USH2A: variants seen among roughly 807,000 people sequenced by gnomAD.
USH2A encodes the protein usherin.
A neutral mutation model predicts 538.9 loss-of-function variants in USH2A; 443 were observed. The observed-to-expected ratio is 0.82, with a 90% CI of 0.76 to 0.89. The LOEUF is 0.89. Ranked by LOEUF, USH2A falls within the 40% of genes least tolerant of loss-of-function variation. The pLI is 0.00. For synonymous variants in USH2A, 2,413 were observed against 2,273.5 expected, an observed-to-expected ratio of 1.06 and a Z score of -1.75; for missense variants, 6,633 against 6,324.8, an observed-to-expected ratio of 1.05 and a Z score of -1.65.
chr1:215,894,412 G>A (rs958816644), intron 40 of USH2A, among the ~76,000 whole-genome samples: 4 of 152,000 alleles, frequency 2.6e-5, no homozygotes, highest in Non-Finnish European at 5.9e-5. Flanking sequence ...TAAATGATTC[G>A]GAAGTCCTAC....
intron 9 of USH2A, among the ~76,000 whole-genome samples, chr1:216,306,398 A>AT (rs888229529): frequency 2.6e-5 from 4 of 151,714 alleles, no homozygotes; most frequent in Admixed American, 6.6e-5. Flanking sequence ...TTATCTGGAG[A>AT]TTTTTCTGTT....
chr1:216,260,022 T>C (rs1200501367), intron 11 of USH2A, among the ~76,000 whole-genome samples: 1 of 152,116 alleles, frequency 6.6e-6, no homozygotes, highest in Non-Finnish European at 1.5e-5. Flanking sequence ...AGGATCGATT[T>C]AAAAAAGAGT....
intron 30 of USH2A, among the ~76,000 whole-genome samples, chr1:216,065,627 T>G (rs150535150): frequency 7.6e-4 from 116 of 152,380 alleles, no homozygotes; most frequent in African/African-American, 2.6e-3. Context: ...CTGGGTGCAG[T>G]GGCTCATGCC....
intron 3 of USH2A, among the ~76,000 whole-genome samples, chr1:216,397,757 T>C (rs1433508264): frequency 1.3e-5 from 2 of 152,214 alleles, no homozygotes; most frequent in Non-Finnish European, 2.9e-5. Flanking sequence ...CTTCCCTGGT[T>C]TTGAAGCTTT....
intron 61 of USH2A, among the ~76,000 whole-genome samples, chr1:215,700,845 G>T (rs1658989652): frequency 6.6e-6 from 1 of 151,942 alleles, no homozygotes; most frequent in South Asian, 2.1e-4. Flanking sequence ...CTTGTCTTCT[G>T]GTAGCTTTTG....
chr1:216,260,767 C>A (rs2036355139), intron 11 of USH2A, among the ~76,000 whole-genome samples: 1 of 152,094 alleles, frequency 6.6e-6, no homozygotes, highest in African/African-American at 2.4e-5. Flanking sequence ...GGAACATCAA[C>A]AACTTGTTAT....
At chr1:215,892,521 A>G (rs569202214) in intron 40 of USH2A, among the ~76,000 whole-genome samples, 1 of 152,302 alleles carries the variant, frequency 6.6e-6, no homozygotes, top group East Asian at 1.9e-4. Flanking sequence ...TGATATGTTA[A>G]CAGAATAATG....
chr1:216,000,471 T>C lies in USH2A; in HGVS notation c.6417A>G (p.Ala2139=). ...TNSSWVLLYT[A]QLPPEHVDSP... ...AATCCACGTGTTCTGGTGGCAGCTG[T>C]GCTGTGTACAGTAGGACCCAGGAAC... Residue 2139 remains alanine (A), a synonymous_variant, in exon 33 of 72, where the codon GCA becomes GCG. Coordinates refer to ENST00000307340, the MANE Select transcript of USH2A (RefSeq NM_206933.4). The C allele has an allele frequency of 6.2e-7, 1 of 1,613,720 alleles. No individual in the cohort carries two copies. Among genetic ancestry groups the C allele is most frequent in the Non-Finnish European group, 8.5e-7 (1 of 1,179,734 alleles).
intron 19 of USH2A, among the ~76,000 whole-genome samples, chr1:216,191,315 G>A (rs569134379): frequency 1.3e-5 from 2 of 152,064 alleles, no homozygotes; most frequent in South Asian, 2.1e-4. Context: ...AACATTTGGA[G>A]TAGTTTTCTA....
intron 6 of USH2A, 115 bp from the exon 7 acceptor site, chr1:216,324,467 T>C: frequency 4.0e-6 from 4 of 996,318 alleles, no homozygotes; most frequent in Non-Finnish European, 5.9e-6. Flanking sequence ...ATAATTATAG[T>C]TATCAAATAT....
intron 20 of USH2A, among the ~76,000 whole-genome samples, chr1:216,183,946 T>C (rs972451534): frequency 2.0e-5 from 3 of 151,966 alleles, no homozygotes; most frequent in Non-Finnish European, 4.4e-5. Flanking sequence ...CCATGGAAAT[T>C]TGACATGTTG....
At chr1:216,189,278 A>AG (rs2034669282) in intron 20 of USH2A, among the ~76,000 whole-genome samples, 1 of 151,914 alleles carries the variant, frequency 6.6e-6, no homozygotes, top group Non-Finnish European at 1.5e-5. Context: ...CAGAAAAAAA[A>AG]CCCTACATAA....
intron 58 of USH2A, among the ~76,000 whole-genome samples, chr1:215,743,929 A>G (rs1660391820): frequency 6.6e-6 from 1 of 152,226 alleles, no homozygotes; most frequent in African/African-American, 2.4e-5. Context: ...TTCCAAAAGT[A>G]AGAAATGTAC....
At chr1:215,851,847 A>T (rs548275068) in intron 44 of USH2A, among the ~76,000 whole-genome samples, 45 of 152,216 alleles carry the variant, frequency 3.0e-4, no homozygotes, top group Admixed American at 2.9e-3. Flanking sequence ...ACCATGATCA[A>T]GTAGGTTTCA....
intron 58 of USH2A, among the ~76,000 whole-genome samples, chr1:215,754,914 C>G (rs189804846): frequency 6.6e-6 from 1 of 152,256 alleles, no homozygotes; most frequent in East Asian, 1.9e-4. Context: ...GTAAAGCTTT[C>G]TAGTTACTAG....
intron 13 of USH2A, among the ~76,000 whole-genome samples, chr1:216,243,557 A>G (rs1024194822): frequency 2.0e-5 from 3 of 152,144 alleles, no homozygotes; most frequent in Non-Finnish European, 4.4e-5. Context: ...AGCAGCTCTG[A>G]TCAATAGGAT....
chr1:216,089,037 T>C lies in USH2A; in HGVS notation c.4861A>G (p.Ile1621Val), dbSNP rs2032219588. Residue 1621 changes from isoleucine (I) to valine (V), a missense_variant, in exon 23 of 72, where the codon ATC becomes GTC. Ile to Val is a conservative substitution (Grantham distance 29, BLOSUM62 3). Coordinates refer to ENST00000307340, the MANE Select transcript of USH2A (RefSeq NM_206933.4). ...CCTGTATATATCCCATCCAGAGTGA[T>C]TTGGCCAAAAGCCTGATGCCTAATA... ...IAIRHQAFGQITLDGIYTGSS... is the reference protein window; with the variant it reads ...IAIRHQAFGQVTLDGIYTGSS... 6.2e-7 allele frequency: 1 copy of C among 1,613,526 alleles called. No individual in the cohort carries two copies. The highest frequency in any genetic ancestry group is 8.5e-7 in the Non-Finnish European group (1 of 1,179,606).
chr1:216,116,755 T>C (rs1030157783), intron 21 of USH2A, among the ~76,000 whole-genome samples: 2 of 152,026 alleles, frequency 1.3e-5, no homozygotes, highest in African/African-American at 4.8e-5. Context: ...AGGGTTCTTG[T>C]ACAGAAGAAT....
chr1:216,012,006 G>T (rs1668587606), intron 32 of USH2A, among the ~76,000 whole-genome samples: 1 of 53,894 alleles, frequency 1.9e-5, no homozygotes, highest in African/African-American at 6.6e-5. Flanking sequence ...TTGAGACGGA[G>T]TCTCGCTCTG....
Sources: gnomAD v4.1 joint callset for allele counts (sites outside exome capture counted in the v4.1 genomes callset) on GRCh38, gnomAD v4.1.1 for gene constraint, MANE v1.5 for transcripts, NCBI Gene and HGNC (gene_info 2026-07-23, HGNC 2026-07-21) for gene names.